SULF2: variants seen among roughly 807,000 people sequenced by gnomAD.
SULF2 encodes the protein extracellular sulfatase Sulf-2.
A neutral mutation model predicts 107.7 loss-of-function variants in SULF2; 52 were observed. The ratio of observed to expected loss-of-function variants is 0.48; its 90% confidence interval spans 0.39 to 0.61. The LOEUF (loss-of-function observed/expected upper bound fraction) is 0.61, where lower values mean the gene tolerates loss of function less well. Among genes scored for constraint, SULF2 ranks in the 20% least tolerant of loss-of-function variants. The pLI, the probability that SULF2 is intolerant of heterozygous loss-of-function variation, is 0.00. For missense variants in SULF2, 993 were observed against 1,177.3 expected (o/e 0.84, Z 2.29); for synonymous variants, 460 against 464.3 (o/e 0.99, Z 0.12).
At chr20:47,716,945 G>C (rs2089140471) in intron 3 of SULF2, among the ~76,000 whole-genome samples, 1 of 152,188 alleles carries the variant, frequency 6.6e-6, no homozygotes, top group South Asian at 2.1e-4. Context: ...AGGAGTTCGA[G>C]GCTGCAATGA....
chr20:47,753,271 G>A (rs1435715030), intron 2 of SULF2, among the ~76,000 whole-genome samples: 1 of 152,184 alleles, frequency 6.6e-6, no homozygotes, highest in Non-Finnish European at 1.5e-5. Flanking sequence ...TGATATTCTG[G>A]GGTTTGGAGT....
chr20:47,730,536 C>T (rs957748624), intron 3 of SULF2, among the ~76,000 whole-genome samples: 5 of 152,202 alleles, frequency 3.3e-5, no homozygotes, highest in African/African-American at 1.2e-4. Flanking sequence ...CTGCAACCTC[C>T]GCCTCCTGGG....
chr20:47,737,190 G>A (rs906302289), intron 2 of SULF2, among the ~76,000 whole-genome samples: 2 of 152,192 alleles, frequency 1.3e-5, no homozygotes, highest in East Asian at 3.9e-4. Flanking sequence ...TTGCAATGGT[G>A]CTGGAGGTGA....
At chr20:47,760,250 G>A (rs1468818503) in intron 1 of SULF2, among the ~76,000 whole-genome samples, 4 of 152,178 alleles carry the variant, frequency 2.6e-5, no homozygotes, top group Non-Finnish European at 5.9e-5. Flanking sequence ...GGGAGGCTGA[G>A]CTCTACAGAT....
chr20:47,745,442 T>TAA (rs2090009946), intron 2 of SULF2, among the ~76,000 whole-genome samples: 1 of 13,012 alleles, frequency 7.7e-5, no homozygotes, highest in African/African-American at 4.6e-4. Flanking sequence ...TATATATATA[T>TAA]ATATATATAT....
chr20:47,769,216 A>G (rs189259766), intron 1 of SULF2, among the ~76,000 whole-genome samples: 2 of 151,974 alleles, frequency 1.3e-5, no homozygotes, highest in Non-Finnish European at 2.9e-5. Context: ...ATTTTTTTGT[A>G]TTTTTAGTAG....
chr20:47,702,172 T>G (rs1456898646), intron 4 of SULF2, among the ~76,000 whole-genome samples: 3 of 152,142 alleles, frequency 2.0e-5, no homozygotes, highest in African/African-American at 7.2e-5. Flanking sequence ...ATCCTCCCAT[T>G]TCAGCCTCTC....
intron 1 of SULF2, among the ~76,000 whole-genome samples, chr20:47,763,615 C>A (rs13040547): frequency 2.0e-5 from 3 of 152,154 alleles, no homozygotes; most frequent in African/African-American, 4.8e-5. Context: ...ATACGTCCCA[C>A]GGGCTGGGGC....
chr20:47,757,319 C>T lies in SULF2; in HGVS notation c.45G>A (p.Val15=). Reference sequence around the variant, plus strand: ...CCGAGCTTCCACCCAGCAGGGAGAACACAGTTGCGGACAGCAAGCACAGCA... The same window carrying T: ...CCGAGCTTCCACCCAGCAGGGAGAATACAGTTGCGGACAGCAAGCACAGCA... ...SLVLCLLSAT[V]FSLLGGSSAF... The change falls in exon 2 of 21, where the codon GTG becomes GTA. Residue 15 remains valine, a synonymous_variant. Transcript: ENST00000688720. 1 of 1,602,770 alleles carries T rather than the reference C, an allele frequency of 6.2e-7. No individual in the cohort carries two copies. Among genetic ancestry groups the T allele is most frequent in the Non-Finnish European group, 8.5e-7 (1 of 1,174,384 alleles).
rs573523889 is a variant in SULF2 at position 47,671,618 on chromosome 20, G to A, written c.1576+580C>T. Among the ~76,000 whole-genome samples, 31 of 152,210 alleles carry A rather than the reference G, an allele frequency of 2.0e-4. No homozygotes were observed. In the South Asian group the frequency reaches 5.6e-3, roughly 28 times the overall value. On this transcript the variant is annotated intron_variant, in intron 11 of 20. Transcript: ENST00000688720. The stretch of plus-strand genomic sequence containing the variant: ...CACCACAAACACTGACTAATTGAAC[G>A]CTGAAACATGGCTCCTAGGGGAAGC...
chr20:47,773,540 A>T (rs2090670180), intron 1 of SULF2, among the ~76,000 whole-genome samples: 1 of 152,212 alleles, frequency 6.6e-6, no homozygotes, highest in African/African-American at 2.4e-5. Flanking sequence ...GCCCCAGCCC[A>T]TGCCTTCTGG....
At chr20:47,707,986 C>T (rs1388010054) in intron 3 of SULF2, among the ~76,000 whole-genome samples, 1 of 152,118 alleles carries the variant, frequency 6.6e-6, no homozygotes, top group Non-Finnish European at 1.5e-5. Context: ...GATGGTGGCA[C>T]TCGAAATTGC....
chr20:47,769,745 G>A (rs1311857152), intron 1 of SULF2, among the ~76,000 whole-genome samples: 2 of 152,178 alleles, frequency 1.3e-5, no homozygotes. Flanking sequence ...ATGAGGCAAC[G>A]TGTCCCAAGG....
chr20:47,770,194 G>A (rs2146964504), intron 1 of SULF2, among the ~76,000 whole-genome samples: 1 of 151,744 alleles, frequency 6.6e-6, no homozygotes, highest in East Asian at 1.9e-4. Context: ...CCAAGCAGCT[G>A]GGACTGCAGG....
chr20:47,757,162 G>A lies in SULF2; in HGVS notation c.175+27C>T, dbSNP rs376301083. On this transcript the variant is annotated intron_variant, in intron 2 of 20. Coordinates refer to ENST00000688720, the MANE Select transcript of SULF2 (RefSeq NM_001387048.1). ...AGGGACCCTGCTCCGAGGGGCCGAG[G>A]TGCCACCCTGGGGCCCCGAGGCTTA... The A allele has an allele frequency of 5.7e-4, 878 of 1,534,670 alleles. 3 individuals carry two copies. Among genetic ancestry groups the A allele is most frequent in the Admixed American group, 2.8e-3 (143 of 50,250 alleles).
chr20:47,759,870 G>A (rs895941582), intron 1 of SULF2, among the ~76,000 whole-genome samples: 5 of 152,232 alleles, frequency 3.3e-5, no homozygotes, highest in Non-Finnish European at 5.9e-5. Flanking sequence ...CACTACTGCA[G>A]CCTGCAATTT....
At chr20:47,667,419 T>C (rs1189443147) in intron 11 of SULF2, among the ~76,000 whole-genome samples, 1 of 152,220 alleles carries the variant, frequency 6.6e-6, no homozygotes, top group Non-Finnish European at 1.5e-5. Flanking sequence ...AGGTAGCCTG[T>C]ATCTTCTATG....
intron 3 of SULF2, among the ~76,000 whole-genome samples, chr20:47,730,358 C>G (rs2089562319): frequency 6.6e-6 from 1 of 152,250 alleles, no homozygotes. Flanking sequence ...CTGCCAGATT[C>G]AGGTGTGGAA....
intron 3 of SULF2, among the ~76,000 whole-genome samples, chr20:47,707,538 G>A (rs1898077106): frequency 6.6e-6 from 1 of 152,074 alleles, no homozygotes; most frequent in African/African-American, 2.4e-5. Flanking sequence ...AGAGCTTCTG[G>A]CCACCCTTAC....
Sources: gnomAD v4.1 joint callset for allele counts (sites outside exome capture counted in the v4.1 genomes callset) on GRCh38, gnomAD v4.1.1 for gene constraint, MANE v1.5 for transcripts, NCBI Gene and HGNC (gene_info 2026-07-23, HGNC 2026-07-21) for gene names.